Variants in SLC44A5 observed in about 807,000 individuals in gnomAD.
The protein encoded by SLC44A5 is solute carrier family 44 member 5.
A neutral mutation model predicts 101.8 loss-of-function variants in SLC44A5; 57 were observed. The ratio of observed to expected loss-of-function variants is 0.56; its 90% confidence interval spans 0.45 to 0.70. SLC44A5 has a LOEUF of 0.70. SLC44A5 is among the 30% of genes least tolerant of loss of function. SLC44A5 has a pLI of 0.00. For synonymous variants in SLC44A5, 281 were observed against 290.9 expected (o/e 0.97, Z 0.35); for missense variants, 737 against 853.1 (o/e 0.86, Z 1.70).
At chr1:75,668,909 C>T in the SLC44A5 span, among the ~76,000 whole-genome samples, 1 of 151,316 alleles carries the variant, frequency 6.6e-6, no homozygotes, top group Non-Finnish European at 1.5e-5. Context: ...GCAGGAGAAT[C>T]ACTAGAATCC....
chr1:75,203,589 A>G lies in SLC44A5; in HGVS notation c.*138T>C. On this transcript the variant is annotated 3_prime_UTR_variant, in exon 24 of 24. Coordinates refer to ENST00000370859, the MANE Select transcript of SLC44A5 (RefSeq NM_001130058.2). Reference sequence around the variant, plus strand: ...CACATAGTACAGTATAAGCTTTGGTATAAAACATGCAAATGCAAGCCAACA... The same window carrying G: ...CACATAGTACAGTATAAGCTTTGGTGTAAAACATGCAAATGCAAGCCAACA... 9.8e-7 allele frequency: 1 copy of G among 1,015,702 alleles called. No individual in the cohort carries two copies. Among genetic ancestry groups the G allele is most frequent in the Middle Eastern group, 2.1e-4 (1 of 4,686 alleles). The allele number at this position is 1,015,702 out of a possible 1,614,324, so 62.9% of individuals were successfully genotyped here. A position where few individuals can be genotyped will look rare whatever the true frequency, so the allele number is the denominator to read the frequency against.
At chr1:75,660,514 G>T in the SLC44A5 span, among the ~76,000 whole-genome samples, 6 of 152,036 alleles carry the variant, frequency 3.9e-5, no homozygotes, top group African/African-American at 1.4e-4. Context: ...CATCCAACTT[G>T]GAAAGAAAGA....
chr1:75,546,897 G>A (rs1226433874), intron 1 of SLC44A5, among the ~76,000 whole-genome samples: 1 of 152,134 alleles, frequency 6.6e-6, no homozygotes, highest in Admixed American at 6.5e-5. Flanking sequence ...TTATAAAAAT[G>A]TCTGAAGAGG....
intron 2 of SLC44A5, among the ~76,000 whole-genome samples, chr1:75,537,579 G>T (rs577721249): frequency 2.6e-4 from 40 of 152,312 alleles, no homozygotes; most frequent in South Asian, 8.3e-4. Flanking sequence ...TATGGCCAAG[G>T]ACAACAGCAG....
Position 75,213,968 on chromosome 1 carries a change from A to T in SLC44A5, c.1824T>A (p.Val608=). Residue 608 remains valine, a synonymous_variant, in exon 21 of 24, where the codon GTT becomes GTA. Transcript: ENST00000370859. ...NVLKVAVTDE[V]TYFVLFLGKL... ...TCCCCAGGAATAATACAAAGTATGT[A>T]ACTTCATCTGTAACTGCAACTCTGA... 6.3e-7 allele frequency: 1 copy of T among 1,594,744 alleles called. No homozygotes were observed. Among genetic ancestry groups the T allele is most frequent in the South Asian group, 1.1e-5 (1 of 87,960 alleles).
At chr1:75,483,187 G>A (rs1667968089) in intron 2 of SLC44A5, among the ~76,000 whole-genome samples, 1 of 152,180 alleles carries the variant, frequency 6.6e-6, no homozygotes. Flanking sequence ...ACTGGCCTGA[G>A]GGAAACAGAA....
At chr1:75,559,030 A>C (rs1570611298) in intron 1 of SLC44A5, among the ~76,000 whole-genome samples, 1 of 152,200 alleles carries the variant, frequency 6.6e-6, no homozygotes, top group East Asian at 1.9e-4. Flanking sequence ...TTATCTACTA[A>C]GAAAAGTCTT....
intron 2 of SLC44A5, among the ~76,000 whole-genome samples, chr1:75,414,354 CACAT>C (rs1333777316): frequency 4.2e-4 from 63 of 150,974 alleles, no homozygotes; most frequent in African/African-American, 1.2e-3. Context: ...CACACACACA[CACAT>C]ATATCTTTTC....
intron 4 of SLC44A5, among the ~76,000 whole-genome samples, chr1:75,326,590 C>G (rs1213194016): frequency 6.6e-6 from 1 of 152,104 alleles, no homozygotes; most frequent in Non-Finnish European, 1.5e-5. Context: ...ATTATAATAA[C>G]CTAGTTTAGG....
intron 1 of SLC44A5, among the ~76,000 whole-genome samples, chr1:75,590,052 G>T (rs1313186920): frequency 1.3e-5 from 2 of 151,992 alleles, no homozygotes; most frequent in Non-Finnish European, 2.9e-5. Context: ...AGAGACAGTG[G>T]ATTAGGGGGG....
At chr1:75,579,826 T>TACACACAC (rs6143284) in intron 1 of SLC44A5, among the ~76,000 whole-genome samples, 1 of 149,962 alleles carries the variant, frequency 6.7e-6, no homozygotes, top group African/African-American at 2.4e-5. Flanking sequence ...TTCAACTATC[T>TACACACAC]ACACACACAC....
the SLC44A5 span, among the ~76,000 whole-genome samples, chr1:75,636,165 C>A: frequency 2.8e-3 from 422 of 152,044 alleles, 2 homozygotes; most frequent in African/African-American, 9.9e-3. Context: ...TGAGAACATG[C>A]GATGTTAGGC....
chr1:75,270,055 C>A (rs1291038673), intron 6 of SLC44A5, among the ~76,000 whole-genome samples: 1 of 152,106 alleles, frequency 6.6e-6, no homozygotes, highest in African/African-American at 2.4e-5. Flanking sequence ...TTGCCTTCTG[C>A]CATGATTGTG....
the SLC44A5 span, among the ~76,000 whole-genome samples, chr1:75,656,089 G>A: frequency 2.0e-5 from 3 of 152,250 alleles, no homozygotes; most frequent in East Asian, 5.8e-4. Flanking sequence ...TATAGGCCAA[G>A]AGAAAGTGGA....
intron 2 of SLC44A5, among the ~76,000 whole-genome samples, chr1:75,398,048 C>G (rs1049112444): frequency 6.6e-6 from 1 of 152,006 alleles, no homozygotes; most frequent in Non-Finnish European, 1.5e-5. Context: ...ATAGTATGTA[C>G]GTGCAAGGAT....
the SLC44A5 span, among the ~76,000 whole-genome samples, chr1:75,711,577 T>G: frequency 1.3e-5 from 2 of 152,232 alleles, no homozygotes; most frequent in Non-Finnish European, 2.9e-5. Context: ...GAGTTTAGTA[T>G]GTGAAAAATC....
At chr1:75,568,984 T>C (rs1672926295) in intron 1 of SLC44A5, among the ~76,000 whole-genome samples, 1 of 152,228 alleles carries the variant, frequency 6.6e-6, no homozygotes, top group Non-Finnish European at 1.5e-5. Flanking sequence ...TACACTTGCT[T>C]CACATAATGT....
chr1:75,457,146 G>A (rs1211869447), intron 2 of SLC44A5, among the ~76,000 whole-genome samples: 2 of 152,066 alleles, frequency 1.3e-5, no homozygotes, highest in Non-Finnish European at 2.9e-5. Flanking sequence ...AATATACAAG[G>A]TTCTCAAAAT....
chr1:75,717,340 CAAA>C, the SLC44A5 span, among the ~76,000 whole-genome samples: 6 of 97,842 alleles, frequency 6.1e-5, no homozygotes, highest in Non-Finnish European at 2.1e-5. Flanking sequence ...GACCCTGTCT[CAAA>C]AAAAAAAAAA....
Sources: allele counts gnomAD v4.1 joint callset (sites outside exome capture counted in the v4.1 genomes callset), GRCh38; gene constraint gnomAD v4.1.1; transcripts MANE v1.5; gene names NCBI Gene and HGNC (gene_info 2026-07-23, HGNC 2026-07-21).